BICD1: variants seen among roughly 807,000 people sequenced by gnomAD.
BICD1 encodes the protein protein bicaudal D homolog 1.
In BICD1, 35 loss-of-function variants were observed where a neutral mutation model predicts 92.5. The observed-to-expected ratio is 0.38, with a 90% CI of 0.29 to 0.50. BICD1 has a LOEUF of 0.50. BICD1 is among the 20% of genes least tolerant of loss of function. The pLI, the probability that BICD1 is intolerant of heterozygous loss-of-function variation, is 0.93. For synonymous variants in BICD1, 429 were observed against 465.1 expected (o/e 0.92, Z 1.00); for missense variants, 950 against 1,189.8 (o/e 0.80, Z 2.97).
chr12:32,139,245 T>C (rs1592360338), intron 1 of BICD1, among the ~76,000 whole-genome samples: 1 of 152,194 alleles, frequency 6.6e-6, no homozygotes. Context: ...CAGGTTTCAG[T>C]GCATCGTCCC....
intron 1 of BICD1, among the ~76,000 whole-genome samples, chr12:32,211,315 T>G (rs1406723616): frequency 6.6e-6 from 1 of 152,244 alleles, no homozygotes; most frequent in Non-Finnish European, 1.5e-5. Flanking sequence ...TCATGGCTAA[T>G]TTTGGAAACC....
At chr12:32,266,117 T>C (rs1308294942) in intron 2 of BICD1, among the ~76,000 whole-genome samples, 1 of 152,210 alleles carries the variant, frequency 6.6e-6, no homozygotes, top group Admixed American at 6.5e-5. Context: ...TTTAGGTCAT[T>C]TCTGTGCAGT....
chr12:32,270,081 A>G (rs1406647757), intron 2 of BICD1, among the ~76,000 whole-genome samples: 2 of 140,270 alleles, frequency 1.4e-5, no homozygotes, highest in African/African-American at 2.8e-5. Context: ...AGATGGCACC[A>G]CTGCTCTCCA....
At position 32,243,105 on chromosome 12, in the gene BICD1, C is replaced by CT. The variant is rs1002802716; in HGVS notation, c.426+26657dup. ...ATTTTTAAAATGTATTTAGGATTTT[C>CT]TTTTTTTTTTTGAGACAGGGTCTCA... On this transcript the variant is annotated intron_variant, in intron 2 of 9. Transcript: ENST00000652176. Among the ~76,000 whole-genome samples, 393 of 144,068 alleles carry CT rather than the reference C, an allele frequency of 2.7e-3. 1 individual carries two copies. Among genetic ancestry groups the CT allele is most frequent in the African/African-American group, 8.2e-3 (323 of 39,550 alleles). The allele number at this position is 144,068 out of a possible 152,430, so 94.5% of individuals were successfully genotyped here.
chr12:32,376,793 G>A (rs1394775758), intron 9 of BICD1, among the ~76,000 whole-genome samples: 2 of 150,064 alleles, frequency 1.3e-5, no homozygotes, highest in Non-Finnish European at 3.0e-5. Flanking sequence ...GCTTGAACTC[G>A]GGAGGCGGAG....
chr12:32,109,354 TTAGA>T (rs1365223393), intron 1 of BICD1: 3 of 152,146 alleles, frequency 2.0e-5, no homozygotes, highest in East Asian at 1.9e-4. Context: ...TTGATTAGTG[TTAGA>T]TAAATACTAA....
At chr12:32,370,809 C>T (rs1939710128) in intron 9 of BICD1, among the ~76,000 whole-genome samples, 1 of 152,176 alleles carries the variant, frequency 6.6e-6, no homozygotes, top group African/African-American at 2.4e-5. Context: ...TACCATTCCT[C>T]AAGACAAAGA....
intron 2 of BICD1, among the ~76,000 whole-genome samples, chr12:32,238,271 A>G (rs1946131512): frequency 6.6e-6 from 1 of 152,098 alleles, no homozygotes; most frequent in Non-Finnish European, 1.5e-5. Flanking sequence ...CAGTAGAGGA[A>G]GTACTCGTAA....
intron 8 of BICD1, among the ~76,000 whole-genome samples, chr12:32,359,100 G>C (rs1023470420): frequency 2.6e-5 from 4 of 151,940 alleles, no homozygotes; most frequent in African/African-American, 9.7e-5. Flanking sequence ...ATGGCGTGTT[G>C]ATTTTAGGAC....
intron 2 of BICD1, among the ~76,000 whole-genome samples, chr12:32,280,593 A>G (rs1947386807): frequency 6.6e-6 from 1 of 152,150 alleles, no homozygotes; most frequent in Non-Finnish European, 1.5e-5. Flanking sequence ...GGAAATTTTA[A>G]TGGTGTGTTT....
intron 9 of BICD1, chr12:32,368,101 ATATT>A (rs1939592709): frequency 5.0e-6 from 1 of 201,854 alleles, no homozygotes; most frequent in African/African-American, 2.3e-5. Context: ...TCTTTAAAAT[ATATT>A]TATTTTCCTG....
At chr12:32,358,219 G>A (rs962400700) in intron 8 of BICD1, among the ~76,000 whole-genome samples, 3 of 151,906 alleles carry the variant, frequency 2.0e-5, no homozygotes, top group Non-Finnish European at 4.4e-5. Flanking sequence ...TCATGGCTCA[G>A]CTTCCCAAGT....
At chr12:32,312,227 CCTT>C (rs1012116846) in intron 4 of BICD1, among the ~76,000 whole-genome samples, 2 of 149,866 alleles carry the variant, frequency 1.3e-5, no homozygotes, top group Non-Finnish European at 3.0e-5. Context: ...AATCAGGTCT[CCTT>C]CTTGAAGCCA....
chr12:32,305,156 ACT>A (rs1396743205), intron 3 of BICD1, among the ~76,000 whole-genome samples: 2 of 152,130 alleles, frequency 1.3e-5, no homozygotes, highest in Admixed American at 6.6e-5. Context: ...TTTTCATCTT[ACT>A]CTCAAACATT....
chr12:32,377,727 T>A lies in BICD1; in HGVS notation c.*100T>A, dbSNP rs200243748. The A allele has an allele frequency of 1.9e-6, 2 of 1,057,258 alleles. No homozygotes were observed. Among genetic ancestry groups the A allele is most frequent in the Non-Finnish European group, 2.9e-6 (2 of 685,168 alleles). The allele number at this position is 1,057,258 out of a possible 1,614,324, so 65.5% of individuals were successfully genotyped here. ...GGGTGTTTTCTTCTCGGTTGTTAGA[T>A]GTACAATTGGATTAATGTCCATCGT... On this transcript the variant is annotated 3_prime_UTR_variant, in exon 10 of 10. Transcript: ENST00000652176.
chr12:32,114,473 C>A (rs1941816148), intron 1 of BICD1, among the ~76,000 whole-genome samples: 1 of 152,052 alleles, frequency 6.6e-6, no homozygotes, highest in African/African-American at 2.4e-5. Flanking sequence ...CCTTGACCTC[C>A]TGGGCTCAAG....
At chr12:32,118,091 A>ATTTTATTT (rs1555126592) in intron 1 of BICD1, among the ~76,000 whole-genome samples, 2 of 46,832 alleles carry the variant, frequency 4.3e-5, no homozygotes, top group Non-Finnish European at 9.7e-5. Context: ...TATTTTATTT[A>ATTTTATTT]TTTTTTTTGA....
intron 2 of BICD1, among the ~76,000 whole-genome samples, chr12:32,226,858 C>T (rs758213637): frequency 4.6e-5 from 7 of 152,228 alleles, no homozygotes; most frequent in Non-Finnish European, 1.0e-4. Flanking sequence ...CTGATAACAC[C>T]CAACCCCTGG....
In BICD1 at chr12:32,354,903, A is replaced by G. The variant is rs569395636; in HGVS notation, c.2765-12767A>G. On this transcript the variant is annotated intron_variant, in intron 8 of 9. Coordinates refer to ENST00000652176, the MANE Select transcript of BICD1 (RefSeq NM_001714.4). ...TTATTATTTCTAAATTCTCTACTCT[A>G]TATGTGTGTTTTTCAGTTTATTTGT... is the stretch of plus-strand genomic sequence containing the variant. Among the ~76,000 whole-genome samples, 8 of 152,168 alleles carry G rather than the reference A, an allele frequency of 5.3e-5. No homozygotes were observed. In the South Asian group the frequency reaches 1.7e-3, roughly 32 times the overall value.
Sources: gnomAD v4.1 joint callset for allele counts (sites outside exome capture counted in the v4.1 genomes callset) on GRCh38, gnomAD v4.1.1 for gene constraint, MANE v1.5 for transcripts, NCBI Gene and HGNC (gene_info 2026-07-23, HGNC 2026-07-21) for gene names.